Variants in ASMT observed in about 807,000 individuals in gnomAD.
ASMT encodes acetylserotonin N-methyltransferase.
Under a neutral mutation model 41.3 loss-of-function variants are expected in ASMT, and 53 were observed. The observed-to-expected ratio is 1.28, with a 90% CI of 1.03 to 1.61. The LOEUF is 1.61. Among genes scored for constraint, ASMT ranks in the 40% most tolerant of loss-of-function variants. ASMT has a pLI of 0.00. For synonymous variants in ASMT, 231 were observed against 184.8 expected, an observed-to-expected ratio of 1.25 and a Z score of -2.03; for missense variants, 531 against 441.3, an observed-to-expected ratio of 1.20 and a Z score of -1.82.
Position 1,629,812 on chromosome X carries a change from G to T in ASMT, c.444-9G>T, listed in dbSNP as rs549054957. 2 of 1,613,730 alleles carry T rather than the reference G, an allele frequency of 1.2e-6. No homozygotes were observed. Among genetic ancestry groups the T allele is most frequent in the Non-Finnish European group, 1.7e-6 (2 of 1,179,666 alleles). On this transcript the variant is annotated splice_polypyrimidine_tract_variant and intron_variant, in intron 4 of 8. Coordinates refer to ENST00000381241, the MANE Select transcript of ASMT (RefSeq NM_001171038.2). ...TCACCATCTTGACAAGCGTGGTTTT[G>T]CATGCCAGGTCCGAGGGCGAGCGGC...
intron 1 of ASMT, among the ~76,000 whole-genome samples, chrX:1,622,284 G>A (rs1458338445): frequency 2.7e-5 from 4 of 150,066 alleles, no homozygotes; most frequent in Non-Finnish European, 4.4e-5. Context: ...GAGCCACCAC[G>A]CCCGGTCCTC....
At chrX:1,625,500 G>A in intron 3 of ASMT, among the ~76,000 whole-genome samples, 1 of 122,392 alleles carries the variant, frequency 8.2e-6, no homozygotes, top group East Asian at 2.9e-4. Context: ...GTCTCAGAAA[G>A]AAGGAAACAG....
intron 8 of ASMT, among the ~76,000 whole-genome samples, chrX:1,636,987 A>T (rs1338684639): frequency 2.8e-5 from 2 of 71,756 alleles, no homozygotes; most frequent in African/African-American, 6.4e-5. Flanking sequence ...GGATGTGGGC[A>T]CAGCCTCTGT....
chrX:1,633,101 GTC>G (rs769902068), intron 6 of ASMT, 47 bp from the exon 7 acceptor site: 1 of 1,613,172 alleles, frequency 6.2e-7, no homozygotes, highest in South Asian at 1.1e-5. Context: ...GGTGAGCGAT[GTC>G]TCTCAGGTTC....
At chrX:1,621,279 C>T (rs1192427374) in intron 1 of ASMT, among the ~76,000 whole-genome samples, 2 of 152,066 alleles carry the variant, frequency 1.3e-5, no homozygotes, top group African/African-American at 2.4e-5. Context: ...CCATCCAAAA[C>T]GATGTGTGCA....
intron 1 of ASMT, among the ~76,000 whole-genome samples, chrX:1,615,593 G>A (rs182702872): frequency 2.4e-3 from 357 of 151,900 alleles, no homozygotes; most frequent in African/African-American, 8.2e-3. Context: ...ACCTGAGGTC[G>A]GGAGTTCGAG....
chrX:1,629,736 T>C (rs1385881693), intron 4 of ASMT, 85 bp from the exon 5 acceptor site: 133 of 1,260,414 alleles, frequency 1.1e-4, no homozygotes, highest in Non-Finnish European at 1.4e-4. Flanking sequence ...TATAGCTCCG[T>C]TCTCAACAGG....
At chrX:1,627,477 T>C (rs1319702771) in intron 3 of ASMT, among the ~76,000 whole-genome samples, 49 of 148,876 alleles carry the variant, frequency 3.3e-4, no homozygotes, top group African/African-American at 9.7e-4. Context: ...AAAAATTAGC[T>C]GGGCGTGGTG....
chrX:1,617,741 G>C (rs1388755249), intron 1 of ASMT, among the ~76,000 whole-genome samples: 1 of 151,240 alleles, frequency 6.6e-6, no homozygotes, highest in Non-Finnish European at 1.5e-5. Flanking sequence ...TCAGCCTCCC[G>C]AGTAGCTGGG....
intron 5 of ASMT, among the ~76,000 whole-genome samples, chrX:1,632,163 G>A (rs189826682): frequency 6.6e-6 from 1 of 152,106 alleles, no homozygotes; most frequent in Non-Finnish European, 1.5e-5. Context: ...CCTCTGAATG[G>A]GGCTTGTTAT....
chrX:1,618,315 C>G (rs772927802), intron 1 of ASMT, among the ~76,000 whole-genome samples: 19 of 152,148 alleles, frequency 1.2e-4, no homozygotes, highest in African/African-American at 4.1e-4. Flanking sequence ...AGGCGTCCAC[C>G]ACCACGCCCG....
chrX:1,616,120 C>A (rs1471815688), intron 1 of ASMT, among the ~76,000 whole-genome samples: 4 of 151,244 alleles, frequency 2.6e-5, no homozygotes, highest in African/African-American at 9.8e-5. Flanking sequence ...CCTCCGCCTC[C>A]AGGGTTCAGG....
At chrX:1,616,667 C>G (rs1204884228) in intron 1 of ASMT, among the ~76,000 whole-genome samples, 1 of 151,316 alleles carries the variant, frequency 6.6e-6, no homozygotes, top group Non-Finnish European at 1.5e-5. Context: ...CCCAGGAATT[C>G]GAGACCAGTC....
At chrX:1,628,193 C>T (rs761388694) in intron 4 of ASMT, among the ~76,000 whole-genome samples, 8 of 152,194 alleles carry the variant, frequency 5.3e-5, no homozygotes, top group Admixed American at 1.3e-4. Context: ...TGGTGGCGGA[C>T]GCCTGTAATC....
chrX:1,623,163 G>T lies in ASMT; in HGVS notation c.94G>T (p.Gly32Cys), dbSNP rs201231453. ...SQVLFAACEL[G>C]VFDLLAEAPG... is the part of the protein sequence containing the mutation. ...GGTTCTCTTCGCCGCCTGCGAGCTG[G>T]GCGTGTTTGACCTTCTCGCCGAGGC... Residue 32 changes from glycine (G) to cysteine (C), a missense_variant, in exon 2 of 9, where the codon GGC becomes TGC. By Grantham distance (159) the Gly-to-Cys change is radical (BLOSUM62 -3). Transcript: ENST00000381241. 9.2e-5 allele frequency: 149 copies of T among 1,612,808 alleles called. No individual in the cohort carries two copies. Among genetic ancestry groups the T allele is most frequent in the Non-Finnish European group, 1.2e-4 (137 of 1,179,834 alleles).
At chrX:1,625,446 A>C (rs1934497076) in intron 3 of ASMT, among the ~76,000 whole-genome samples, 1 of 148,602 alleles carries the variant, frequency 6.7e-6, no homozygotes, top group Admixed American at 6.8e-5. Flanking sequence ...CAATGAGCTG[A>C]TTGTGCCACT....
intron 1 of ASMT, among the ~76,000 whole-genome samples, chrX:1,622,679 C>T (rs1255544933): frequency 1.3e-5 from 2 of 151,630 alleles, no homozygotes; most frequent in African/African-American, 4.8e-5. Flanking sequence ...TTTGGGAGGC[C>T]GAGGCTGGCA....
chrX:1,623,941 G>A (rs1369607607), intron 2 of ASMT, among the ~76,000 whole-genome samples: 1 of 152,056 alleles, frequency 6.6e-6, no homozygotes, highest in African/African-American at 2.4e-5. Flanking sequence ...GAGCCACCAC[G>A]CCCGGCCTCA....
chrX:1,631,657 G>C (rs1283402530), intron 5 of ASMT, among the ~76,000 whole-genome samples: 1 of 152,078 alleles, frequency 6.6e-6, no homozygotes, highest in East Asian at 1.9e-4. Flanking sequence ...GCTCACTCCT[G>C]TAATCCCAGC....
Sources: allele counts gnomAD v4.1 joint callset (sites outside exome capture counted in the v4.1 genomes callset), GRCh38; gene constraint gnomAD v4.1.1; transcripts MANE v1.5; gene names NCBI Gene and HGNC (gene_info 2026-07-23, HGNC 2026-07-21).